CADM3: variants seen among roughly 807,000 people sequenced by gnomAD.
The protein encoded by CADM3 is TSLC1-like 1.
CADM3 carries 11 observed loss-of-function variants against 44.9 expected under a neutral mutation model. The observed-to-expected ratio is 0.25, with a 90% CI of 0.15 to 0.41. The LOEUF (loss-of-function observed/expected upper bound fraction) is 0.41, where lower values mean the gene tolerates loss of function less well. CADM3 is among the 10% of genes least tolerant of loss of function. The pLI is 1.00. For synonymous variants in CADM3, 207 were observed against 205.2 expected, an observed-to-expected ratio of 1.01 and a Z score of -0.08; for missense variants, 426 against 512.0, an observed-to-expected ratio of 0.83 and a Z score of 1.62.
chr1:159,180,507 A>G (rs1649187059), intron 1 of CADM3, among the ~76,000 whole-genome samples: 2 of 152,122 alleles, frequency 1.3e-5, no homozygotes, highest in Non-Finnish European at 2.9e-5. Flanking sequence ...GAATGTATCT[A>G]TTTCACAGAA....
intron 1 of CADM3, among the ~76,000 whole-genome samples, chr1:159,188,657 T>C (rs1293847266): frequency 6.6e-6 from 1 of 152,114 alleles, no homozygotes; most frequent in African/African-American, 2.4e-5. Context: ...TTCGGGGCGC[T>C]GCGGCGGGAG....
chr1:159,192,831 G>A, intron 3 of CADM3, 101 bp downstream of exon 3: 1 of 1,259,122 alleles, frequency 7.9e-7, no homozygotes, highest in Non-Finnish European at 1.1e-6. Flanking sequence ...AAGTCTCCAA[G>A]CACTTTAGGA....
intron 1 of CADM3, chr1:159,178,441 A>C (rs1441483819): frequency 1.3e-5 from 2 of 152,238 alleles, no homozygotes; most frequent in Admixed American, 6.5e-5. Flanking sequence ...GGAGGAATCC[A>C]GTAAATGAGA....
rs1454017425 is a variant in CADM3, at chr1:159,192,147, G to T, written c.229+71G>T. The T allele has an allele frequency of 2.6e-6, 4 of 1,513,214 alleles. No individual in the cohort carries two copies. In the African/African-American group the frequency reaches 4.1e-5, roughly 16 times the overall value. The allele number at this position is 1,513,214 out of a possible 1,614,324, so 93.7% of individuals were successfully genotyped here. A position where few individuals can be genotyped will look rare whatever the true frequency, so the allele number is the denominator to read the frequency against. On this transcript the variant is annotated intron_variant, in intron 2 of 8. Coordinates refer to ENST00000368125, the MANE Select transcript of CADM3 (RefSeq NM_001127173.3). ...AGAAGGGGACTGCAGACACCGAGGG[G>T]AACTGTTCCTGTCATCCAGAGGCTG...
chr1:159,186,085 C>T (rs1321991550), intron 1 of CADM3, among the ~76,000 whole-genome samples: 1 of 152,174 alleles, frequency 6.6e-6, no homozygotes, highest in Non-Finnish European at 1.5e-5. Flanking sequence ...AAAGTTTAGA[C>T]ATGTGAAGAT....
At chr1:159,196,843 C>T (rs1557938600) in intron 6 of CADM3, 48 bp from the exon 7 acceptor site, 3 of 1,560,680 alleles carry the variant, frequency 1.9e-6, no homozygotes, top group Admixed American at 1.9e-5. Context: ...TCTTTTAGCT[C>T]CCTGGCCTAT....
At chr1:159,175,833 A>C (rs941109035) in intron 1 of CADM3, among the ~76,000 whole-genome samples, 2 of 152,232 alleles carry the variant, frequency 1.3e-5, no homozygotes, top group African/African-American at 2.4e-5. Flanking sequence ...AATTCCAGAG[A>C]CAGCATCGCT....
chr1:159,188,653 G>A (rs1649518867), intron 1 of CADM3, among the ~76,000 whole-genome samples: 1 of 152,132 alleles, frequency 6.6e-6, no homozygotes, highest in East Asian at 1.9e-4. Flanking sequence ...CTACTTCGGG[G>A]CGCTGCGGCG....
chr1:159,175,413 C>G (rs1436495975), intron 1 of CADM3, among the ~76,000 whole-genome samples: 1 of 152,226 alleles, frequency 6.6e-6, no homozygotes, highest in South Asian at 2.1e-4. Flanking sequence ...CTATTCTAAG[C>G]TTCTCCATAG....
chr1:159,196,926 TG>T lies in CADM3; in HGVS notation c.819del (p.Pro274HisfsTer3), dbSNP rs745708713. On this transcript the variant is annotated frameshift_variant, in exon 7 of 9. Transcript: ENST00000368125. LOFTEE classifies it high-confidence loss of function. ...QQYLWEKEGS[V>X]PPLKMTQESA... ...TACCTATGGGAGAAGGAGGGCAGTG[TG>T]CCACCCCTGAAGATGACCCAGGAGA... 3 of 1,614,122 alleles carry T rather than the reference TG, an allele frequency of 1.9e-6. No individual in the cohort carries two copies. The highest frequency in any genetic ancestry group is 2.5e-6 in the Non-Finnish European group (3 of 1,180,018).
intron 1 of CADM3, among the ~76,000 whole-genome samples, chr1:159,178,752 C>T (rs969224603): frequency 3.9e-5 from 6 of 152,134 alleles, no homozygotes; most frequent in East Asian, 1.9e-4. Flanking sequence ...TATCAAACGG[C>T]GTAGGGAGCT....
chr1:159,193,749 A>G lies in CADM3; in HGVS notation c.521-121A>G, dbSNP rs905972811. 15 of 1,467,446 alleles carry G rather than the reference A, an allele frequency of 1.0e-5. No homozygotes were observed. In the Middle Eastern group the frequency reaches 5.2e-4, roughly 50 times the overall value. The allele number at this position is 1,467,446 out of a possible 1,614,324, so 90.9% of individuals were successfully genotyped here. ...CTCCCTGCCACAACTTTCTAAGTTT[A>G]TCTAGGTTGAGACTCACCATCTGTA... On this transcript the variant is annotated intron_variant, in intron 4 of 8. Coordinates refer to ENST00000368125, the MANE Select transcript of CADM3 (RefSeq NM_001127173.3).
intron 7 of CADM3, 69 bp from the exon 8 acceptor site, chr1:159,199,682 G>C: frequency 6.2e-7 from 1 of 1,609,068 alleles, no homozygotes; most frequent in Non-Finnish European, 8.5e-7. Flanking sequence ...ACTATTCATG[G>C]CCAAGTTGGA....
intron 5 of CADM3, 72 bp from the exon 6 acceptor site, chr1:159,196,292 T>C (rs1649887406): frequency 1.7e-6 from 2 of 1,158,076 alleles, no homozygotes; most frequent in African/African-American, 1.5e-5. Context: ...GAAGCTGTAG[T>C]GTGCAACTAA....
Position 159,171,657 on chromosome 1 carries a change from G to A in CADM3, c.-109G>A. On this transcript the variant is annotated 5_prime_UTR_variant, in exon 1 of 9. Transcript: ENST00000368125. Reference sequence around the variant, plus strand: ...CACCTCGGCCCCGGGCTCCGAAGCGGCTCGGGGGCGCCCTTTCGGTCAACA... The same window carrying A: ...CACCTCGGCCCCGGGCTCCGAAGCGACTCGGGGGCGCCCTTTCGGTCAACA... The A allele has an allele frequency of 1.2e-6, 1 of 814,648 alleles. No homozygotes were observed. The highest frequency in any genetic ancestry group is 1.6e-6 in the Non-Finnish European group (1 of 607,744). The allele number at this position is 814,648 out of a possible 1,614,324, so 50.5% of individuals were successfully genotyped here. A position where few individuals can be genotyped will look rare whatever the true frequency, so the allele number is the denominator to read the frequency against.
At chr1:159,196,203 A>G (rs1557938179) in intron 5 of CADM3, 161 bp from the exon 6 acceptor site, 1 of 597,488 alleles carries the variant, frequency 1.7e-6, no homozygotes. Context: ...TTCAATAGCA[A>G]TAATGGTCCT....
intron 1 of CADM3, among the ~76,000 whole-genome samples, chr1:159,173,627 G>C (rs918762689): frequency 2.0e-5 from 3 of 152,148 alleles, no homozygotes. Flanking sequence ...AGGCTGCTGG[G>C]TGTTTGTGCT....
At chr1:159,178,775 C>T (rs1177476848) in intron 1 of CADM3, among the ~76,000 whole-genome samples, 2 of 152,156 alleles carry the variant, frequency 1.3e-5, no homozygotes, top group African/African-American at 4.8e-5. Context: ...GAGTGCTCAG[C>T]CCGTCAGTCT....
chr1:159,193,872 G>A lies in CADM3; in HGVS notation c.523G>A (p.Glu175Lys), dbSNP rs751691830. Residue 175 changes from glutamate (E) to lysine (K), a missense_variant and splice_region_variant, in exon 5 of 9, where the codon GAA becomes AAA. Glu to Lys is a moderately conservative substitution (Grantham distance 56). Around this residue, in one of 2 missense-constraint regions of CADM3, gnomAD observed 362 missense variants for 474.6 expected, o/e 0.76. Coordinates refer to ENST00000368125, the MANE Select transcript of CADM3 (RefSeq NM_001127173.3). Reference sequence around the variant, plus strand: ...GTGCCACTGTTTCTGCACTCTAGGAGAACCAACCCGCATACAGGAAGATCC... The same window carrying A: ...GTGCCACTGTTTCTGCACTCTAGGAAAACCAACCCGCATACAGGAAGATCC... ...WRKGDQELHG[E>K]PTRIQEDPNG... 6.2e-6 allele frequency: 10 copies of A among 1,613,358 alleles called. No homozygotes were observed. The African/African-American group carries it at 6.7e-5, about 11-fold the overall frequency.
Sources: gnomAD v4.1 joint callset for allele counts (sites outside exome capture counted in the v4.1 genomes callset) on GRCh38, gnomAD v4.1.1 for gene constraint, gnomAD v4.1.1 regional missense constraint, MANE v1.5 for transcripts, NCBI Gene and HGNC (gene_info 2026-07-23, HGNC 2026-07-21) for gene names.